Variants in GPC4 observed in about 807,000 individuals in gnomAD.
The protein encoded by GPC4 is glypican 4.
A neutral mutation model predicts 35.0 loss-of-function variants in GPC4; 10 were observed. The observed-to-expected ratio is 0.29, with a 90% CI of 0.18 to 0.48. The LOEUF (loss-of-function observed/expected upper bound fraction) is 0.48. GPC4 is among the 20% of genes least tolerant of loss of function. The pLI, the probability that GPC4 is intolerant of heterozygous loss-of-function variation, is 0.99. For missense variants in GPC4, 322 were observed against 451.3 expected (o/e 0.71, Z 2.60); for synonymous variants, 167 against 170.2 (o/e 0.98, Z 0.15).
At chrX:133,408,346 G>A (rs2068798472) in intron 1 of GPC4, among the ~76,000 whole-genome samples, 2 of 112,218 alleles carry the variant, frequency 1.8e-5, no homozygotes, top group Non-Finnish European at 3.7e-5. Flanking sequence ...AGTTGCATGT[G>A]GTAAATTTGC....
chrX:133,322,786 CTGTTGT>C (rs1274639652), intron 3 of GPC4, among the ~76,000 whole-genome samples: 1 of 112,348 alleles, frequency 8.9e-6, no homozygotes, highest in East Asian at 2.8e-4. Flanking sequence ...GCAGAATCTG[CTGTTGT>C]TGTGCATCCA....
chrX:133,337,192 G>A (rs1443738589), intron 2 of GPC4, among the ~76,000 whole-genome samples: 4 of 112,228 alleles, frequency 3.6e-5, no homozygotes, highest in African/African-American at 6.5e-5. Context: ...AACTGATCAA[G>A]GCACAGTGTT....
chrX:133,375,164 G>A (rs953046366), intron 1 of GPC4, among the ~76,000 whole-genome samples: 1 of 111,746 alleles, frequency 8.9e-6, no homozygotes, highest in Non-Finnish European at 1.9e-5. Context: ...CAACATTTGC[G>A]TACTGTGGGA....
intron 3 of GPC4, among the ~76,000 whole-genome samples, chrX:133,313,969 T>C (rs1264435231): frequency 8.9e-6 from 1 of 111,914 alleles, no homozygotes; most frequent in Non-Finnish European, 1.9e-5. Flanking sequence ...AATCACTGAA[T>C]AGCACGTGGC....
At chrX:133,413,730 C>T (rs1433131941) in intron 1 of GPC4, among the ~76,000 whole-genome samples, 1 of 112,020 alleles carries the variant, frequency 8.9e-6, no homozygotes. Flanking sequence ...GGCGAACGGG[C>T]TACCTGCGCG....
chrX:133,359,282 G>T (rs942563506), intron 1 of GPC4, among the ~76,000 whole-genome samples: 1 of 111,617 alleles, frequency 9.0e-6, no homozygotes, highest in Admixed American at 9.6e-5. Flanking sequence ...GATGCCTGGA[G>T]ACTGGTTTAA....
At chrX:133,343,024 T>G (rs2068473769) in intron 1 of GPC4, among the ~76,000 whole-genome samples, 1 of 111,317 alleles carries the variant, frequency 9.0e-6, no homozygotes, top group Admixed American at 9.6e-5. Flanking sequence ...ATGCCACAAT[T>G]TTTCCTTTAG....
intron 1 of GPC4, among the ~76,000 whole-genome samples, chrX:133,367,754 G>A (rs2068596023): frequency 8.9e-6 from 1 of 111,856 alleles, no homozygotes. Context: ...TGTAGTCCCA[G>A]CTACTTGGGA....
At chrX:133,339,498 T>C (rs2068457516) in intron 1 of GPC4, among the ~76,000 whole-genome samples, 157 bp from the exon 2 acceptor site, 1 of 111,923 alleles carries the variant, frequency 8.9e-6, no homozygotes, top group Non-Finnish European at 1.9e-5. Flanking sequence ...AAATATTCAT[T>C]CCCTTTTTGA....
intron 1 of GPC4, among the ~76,000 whole-genome samples, chrX:133,404,610 C>A (rs2068779050): frequency 9.6e-6 from 1 of 104,621 alleles, no homozygotes; most frequent in Admixed American, 1.0e-4. Context: ...CCTGTCCCAG[C>A]ACTTTGGGAG....
Position 133,377,354 on chromosome X carries a change from C to T in GPC4, c.160+37452G>A, listed in dbSNP as rs1471685874. On this transcript the variant is annotated intron_variant, in intron 1 of 8. Coordinates refer to ENST00000370828, the MANE Select transcript of GPC4 (RefSeq NM_001448.3). ...AACAGCACCAGTTCTTTTTTCAGCC[C>T]TTAAGTGTACCCAACACCCACTCCC... 3.6e-5 allele frequency among the ~76,000 whole-genome samples: 4 copies of T among 111,505 alleles called. No individual in the cohort carries two copies. The East Asian group carries it at 1.1e-3, about 32-fold the overall frequency.
chrX:133,343,182 G>A (rs956117826), intron 1 of GPC4, among the ~76,000 whole-genome samples: 1 of 111,992 alleles, frequency 8.9e-6, no homozygotes, highest in Admixed American at 9.4e-5. Context: ...AAAGGCTTCT[G>A]AATTCCAGCT....
rs2124100322 is a variant in GPC4, at chrX:133,301,354, T to TG, written c.*1512_*1513insC. The stretch of plus-strand genomic sequence containing the variant: ...ACAGAATTTTAGTCTTTCTGAAGAC[T>TG]TCTGGGAACTCCTTTGAAAGTGATT... On this transcript the variant is annotated 3_prime_UTR_variant, in exon 9 of 9. Transcript: ENST00000370828. 1 of 112,955 alleles carries TG rather than the reference T, an allele frequency of 8.9e-6. No homozygotes were observed. Among genetic ancestry groups the TG allele is most frequent in the South Asian group, 3.6e-4 (1 of 2,748 alleles). 9.3% of individuals were successfully genotyped at this position (112,955 alleles called of 1,213,427 possible).
At chrX:133,338,045 T>C (rs945595403) in intron 2 of GPC4, among the ~76,000 whole-genome samples, 2 of 110,046 alleles carry the variant, frequency 1.8e-5, no homozygotes, top group African/African-American at 6.6e-5. Flanking sequence ...ATAGATTAAA[T>C]ATGCTTTTGT....
chrX:133,397,339 C>T (rs2068748042), intron 1 of GPC4, among the ~76,000 whole-genome samples: 1 of 111,751 alleles, frequency 8.9e-6, no homozygotes, highest in Admixed American at 9.5e-5. Flanking sequence ...GCAGGCAGAT[C>T]ACTTGCGCTG....
In GPC4 at chrX:133,324,318, A is replaced by G. The variant is rs2068381260; in HGVS notation, c.538T>C (p.Tyr180His). The G allele has an allele frequency of 2.5e-6, 3 of 1,209,874 alleles. No homozygotes were observed. Among genetic ancestry groups the G allele is most frequent in the Non-Finnish European group, 3.4e-6 (3 of 895,188 alleles). ...ERMFRLVNSQ[Y>H]HFTDEYLECV... Reference sequence around the variant, plus strand: ...TCCAGATACTCATCTGTAAAGTGGTACTGGGAGTTCACCAGGCGGAACATC... The same window carrying G: ...TCCAGATACTCATCTGTAAAGTGGTGCTGGGAGTTCACCAGGCGGAACATC... The change falls in exon 3 of 9, where the codon TAC becomes CAC. Residue 180 changes from tyrosine to histidine, a missense_variant. By Grantham distance (83) the Tyr-to-His change is moderately conservative (BLOSUM62 2). Around this residue, in one of 3 missense-constraint regions of GPC4, gnomAD observed 163 missense variants for 277.2 expected, o/e 0.59. Transcript: ENST00000370828.
chrX:133,387,745 G>GA (rs1429631377), intron 1 of GPC4, among the ~76,000 whole-genome samples: 1 of 111,523 alleles, frequency 9.0e-6, no homozygotes, highest in Admixed American at 9.5e-5. Context: ...ATCATACTTC[G>GA]AAATGTTTGT....
At chrX:133,403,101 T>TA (rs1277355823) in intron 1 of GPC4, among the ~76,000 whole-genome samples, 1 of 110,894 alleles carries the variant, frequency 9.0e-6, no homozygotes, top group East Asian at 2.8e-4. Context: ...GGTTAAGGGG[T>TA]AAAAAAACAT....
intron 1 of GPC4, among the ~76,000 whole-genome samples, chrX:133,375,336 CA>C (rs2068628818): frequency 9.0e-6 from 1 of 111,602 alleles, no homozygotes; most frequent in African/African-American, 3.3e-5. Context: ...TGTATAAAGG[CA>C]TTTTTTTGTA....
Sources: gnomAD v4.1 joint callset for allele counts (sites outside exome capture counted in the v4.1 genomes callset) on GRCh38, gnomAD v4.1.1 for gene constraint, gnomAD v4.1.1 regional missense constraint, MANE v1.5 for transcripts, NCBI Gene and HGNC (gene_info 2026-07-23, HGNC 2026-07-21) for gene names.